The following NBN variants were observed in gnomAD, a reference collection of about 807,000 sequenced individuals.
NBN encodes the protein Nijmegen breakage syndrome 1 (nibrin).
NBN carries 88 observed loss-of-function variants against 90.8 expected under a neutral mutation model. That is an observed-to-expected ratio of 0.97 (90% CI 0.82 to 1.16). The LOEUF (loss-of-function observed/expected upper bound fraction) is 1.16. Among genes scored for constraint, NBN ranks in the 50% most tolerant of loss-of-function variants. NBN has a pLI of 0.00. For synonymous variants in NBN, 328 were observed against 295.1 expected (o/e 1.11, Z -1.14); for missense variants, 894 against 869.6 (o/e 1.03, Z -0.35).
At chr8:89,946,379 A>C in intron 12 of NBN, 84 bp from the exon 13 acceptor site, 2 of 1,199,660 alleles carry the variant, frequency 1.7e-6, no homozygotes, top group Non-Finnish European at 1.2e-6. Flanking sequence ...CTATAGAAAA[A>C]AGTTCAAATA....
chr8:89,980,189 G>T (rs967432110), intron 4 of NBN, among the ~76,000 whole-genome samples: 1 of 152,106 alleles, frequency 6.6e-6, no homozygotes, highest in Non-Finnish European at 1.5e-5. Context: ...TAACTCTTTA[G>T]CTATAAAACA....
At chr8:89,970,066 T>C (rs1015507360) in intron 7 of NBN, among the ~76,000 whole-genome samples, 1 of 152,078 alleles carries the variant, frequency 6.6e-6, no homozygotes, top group East Asian at 1.9e-4. Flanking sequence ...CTGGCCTACA[T>C]GGCAAAACCC....
In NBN at chr8:89,981,414, C is replaced by T. The variant is rs1586108566; in HGVS notation, c.281G>A (p.Gly94Glu). The T allele has an allele frequency of 6.2e-7, 1 of 1,614,036 alleles. No individual in the cohort carries two copies. The part of the protein sequence containing the change: ...QNGFSRTLKS[G>E]DGITFGVFGS... ...AAACACTCCAAAAGTAATACCATCC[C>T]CCGACTTCAAAGTTCGGGAAAAGCC... The change falls in exon 3 of 16, where the codon GGG (glycine) becomes GAG (glutamate). Residue 94 changes from glycine to glutamate, a missense_variant. Transcript: ENST00000265433.
chr8:89,981,471 C>T lies in NBN; in HGVS notation c.224G>A (p.Gly75Asp). The change falls in exon 3 of 16, where the codon GGT (glycine) becomes GAT (aspartate). Residue 75 changes from glycine (G) to aspartate (D), a missense_variant. By Grantham distance (94) the Gly-to-Asp change is moderately conservative (BLOSUM62 -1). Coordinates refer to ENST00000265433, the MANE Select transcript of NBN (RefSeq NM_002485.5). ...VLTLKDNSKYGTFVNEEKMQN... is the reference protein window; with the variant it reads ...VLTLKDNSKYDTFVNEEKMQN... ...CATTTTTTCCTCATTAACAAAGGTA[C>T]CATACTTAGAATTATCTTTTAATGT... 1.2e-6 allele frequency: 2 copies of T among 1,613,456 alleles called. No homozygotes were observed. The highest frequency in any genetic ancestry group is 2.7e-5 in the African/African-American group (2 of 75,014).
At chr8:89,936,992 C>T in intron 15 of NBN, 34 bp downstream of exon 15, 1 of 1,531,600 alleles carries the variant, frequency 6.5e-7, no homozygotes, top group Non-Finnish European at 9.0e-7. Context: ...ATACATCTCT[C>T]AAAGGTACAT....
Position 89,984,514 on chromosome 8 carries a change from T to C in NBN, c.37+11A>G, listed in dbSNP as rs115032431. The C allele has an allele frequency of 8.7e-4, 1,398 of 1,611,972 alleles. 15 individuals are homozygous for C. In the African/African-American group the frequency reaches 0.016, roughly 19 times the overall value. ...GGAAAATAGGCCCCGAGGCTTCCCTTCTGCCCTTACCTCCTGCCGGGCCCG... is the reference window on the plus strand; with the variant it reads ...GGAAAATAGGCCCCGAGGCTTCCCTCCTGCCCTTACCTCCTGCCGGGCCCG... On this transcript the variant is annotated intron_variant, in intron 1 of 15. Coordinates refer to ENST00000265433, the MANE Select transcript of NBN (RefSeq NM_002485.5).
Position 89,943,357 on chromosome 8 carries a change from G to A in NBN, c.2080C>T (p.Pro694Ser), listed in dbSNP as rs1586035536. ...ATGTGTGGAAGTTTTCCTGCTCCAG[G>A]ATATGTGACCTATTGAATAATAAAA... ...NFKKFKKVTY[P>S]GAGKLPHIIG... is the part of the protein sequence containing the mutation. The change falls in exon 14 of 16, where the codon CCT (proline) becomes TCT (serine). Residue 694 changes from proline to serine, a missense_variant. Transcript: ENST00000265433. The A allele has an allele frequency of 6.2e-7, 1 of 1,602,364 alleles. No individual in the cohort carries two copies. The highest frequency in any genetic ancestry group is 8.5e-7 in the Non-Finnish European group (1 of 1,169,628).
At chr8:89,982,642 C>A in intron 2 of NBN, 80 bp downstream of exon 2, 1 of 1,260,378 alleles carries the variant, frequency 7.9e-7, no homozygotes, top group Non-Finnish European at 1.2e-6. Context: ...TGTGAACTCT[C>A]TCTCACATAC....
rs1355269482 is a variant in NBN at position 89,980,885 on chromosome 8, T to C, written c.329A>G (p.Tyr110Cys). The change falls in exon 4 of 16, where the codon TAT (tyrosine) becomes TGT (cysteine). Residue 110 changes from tyrosine to cysteine, a missense_variant. Tyr to Cys is a radical substitution (Grantham distance 194, BLOSUM62 -2). Transcript: ENST00000265433. ...GVFGSKFRIE[Y>C]EPLVACSSCL... ...AGAAGAGCATGCAACCAAAGGCTCATACTCTATTCTGTAAATGAGAATAAG... is the reference window on the plus strand; with the variant it reads ...AGAAGAGCATGCAACCAAAGGCTCACACTCTATTCTGTAAATGAGAATAAG... 8 of 1,612,496 alleles carry C rather than the reference T, an allele frequency of 5.0e-6. No homozygotes were observed. The Admixed American group carries it at 6.7e-5, about 13-fold the overall frequency.
Position 89,935,186 on chromosome 8 carries a change from T to C in NBN, c.*396A>G, listed in dbSNP as rs1809609858. On this transcript the variant is annotated 3_prime_UTR_variant, in exon 16 of 16. Transcript: ENST00000265433. ...TAGGAAATTATTTAAAAATAGGAAT[T>C]TGAATAGGACTCAAAAATCCCTGGA... 3.8e-6 allele frequency: 1 copy of C among 265,444 alleles called. No individual in the cohort carries two copies. Among genetic ancestry groups the C allele is most frequent in the Non-Finnish European group, 7.3e-6 (1 of 137,246 alleles). 16.4% of individuals were successfully genotyped at this position (265,444 alleles called of 1,614,324 possible). A position where few individuals can be genotyped will look rare whatever the true frequency, so the allele number is the denominator to read the frequency against.
At chr8:89,953,714 AAAAC>A in intron 10 of NBN, 23 bp from the exon 11 acceptor site, 1 of 1,568,604 alleles carries the variant, frequency 6.4e-7, no homozygotes, top group South Asian at 1.1e-5. Flanking sequence ...AAAAAAGAAG[AAAAC>A]AAAACAAGAA....
chr8:89,961,752 T>G (rs1811001470), intron 8 of NBN, among the ~76,000 whole-genome samples: 1 of 152,200 alleles, frequency 6.6e-6, no homozygotes, highest in South Asian at 2.1e-4. Context: ...TGGAGATTTA[T>G]TCTGTGGATA....
intron 8 of NBN, among the ~76,000 whole-genome samples, chr8:89,963,583 T>C (rs1811100298): frequency 6.6e-6 from 1 of 152,160 alleles, no homozygotes; most frequent in African/African-American, 2.4e-5. Flanking sequence ...TTAAAAACTA[T>C]GGAAATGTGT....
At chr8:89,942,016 A>G (rs1285920724) in intron 14 of NBN, among the ~76,000 whole-genome samples, 3 of 152,182 alleles carry the variant, frequency 2.0e-5, no homozygotes, top group Admixed American at 6.5e-5. Context: ...GCCTTGCCCT[A>G]TGAGTATCTG....
At chr8:89,958,669 T>C (rs1810842226) in intron 9 of NBN, 56 bp downstream of exon 9, 4 of 1,572,068 alleles carry the variant, frequency 2.5e-6, no homozygotes, top group South Asian at 1.1e-5. Flanking sequence ...TTCCTGAATA[T>C]ACTATTAATT....
At chr8:89,981,330 T>C in intron 3 of NBN, 45 bp downstream of exon 3, 7 of 1,575,656 alleles carry the variant, frequency 4.4e-6, no homozygotes, top group Non-Finnish European at 6.1e-6. Flanking sequence ...AGGATTTGGC[T>C]GAAACAAAGC....
Position 89,970,529 on chromosome 8 carries a change from A to C in NBN, c.731T>G (p.Phe244Cys). ...QHKKLSSAVV[F>C]GGGEARLITE... ...TATCAACCTAGCTTCCCCACCTCCA[A>C]AGACAACTGCGGAACTCAATTTCTT... is the stretch of plus-strand genomic sequence containing the variant. The change falls in exon 7 of 16, where the codon TTT becomes TGT. Residue 244 changes from phenylalanine to cysteine, a missense_variant. Physicochemically the swap from Phe to Cys is radical, Grantham distance 205. Coordinates refer to ENST00000265433, the MANE Select transcript of NBN (RefSeq NM_002485.5). 1 of 1,613,836 alleles carries C rather than the reference A, an allele frequency of 6.2e-7. No individual in the cohort carries two copies. The highest frequency in any genetic ancestry group is 8.5e-7 in the Non-Finnish European group (1 of 1,179,788).
At chr8:89,952,317 T>G (rs1810480890) in intron 11 of NBN, among the ~76,000 whole-genome samples, 1 of 152,218 alleles carries the variant, frequency 6.6e-6, no homozygotes, top group Non-Finnish European at 1.5e-5. Flanking sequence ...GGCTCTGGCC[T>G]GGGAATCTAT....
At chr8:89,960,868 A>G (rs1324327193) in intron 8 of NBN, among the ~76,000 whole-genome samples, 1 of 152,184 alleles carries the variant, frequency 6.6e-6, no homozygotes, top group Non-Finnish European at 1.5e-5. Flanking sequence ...CAAAGGAAGG[A>G]GGAGAGAAAA....
Sources: gnomAD v4.1 joint callset for allele counts (sites outside exome capture counted in the v4.1 genomes callset) on GRCh38, gnomAD v4.1.1 for gene constraint, MANE v1.5 for transcripts, NCBI Gene and HGNC (gene_info 2026-07-23, HGNC 2026-07-21) for gene names.